Variants in HMCN1 observed in about 807,000 individuals in gnomAD.
The protein encoded by HMCN1 is hemicentin-1.
In HMCN1, 321 loss-of-function variants were observed where a neutral mutation model predicts 625.9. The ratio of observed to expected loss-of-function variants is 0.51; its 90% CI spans 0.47 to 0.56. HMCN1 has a LOEUF of 0.56. Among genes scored for constraint, HMCN1 ranks in the 20% least tolerant of loss-of-function variants. The probability of loss-of-function intolerance (pLI) is 0.00; values close to 1 mark genes in which losing one functional copy is unlikely to be tolerated. For synonymous variants in HMCN1, 2,425 were observed against 2,417.6 expected (o/e 1.00, Z -0.09); for missense variants, 6,588 against 6,887.3 (o/e 0.96, Z 1.54).
rs775812930 is a variant in HMCN1, at chr1:186,151,678, C to T, written c.14831C>T (p.Ala4944Val). Residue 4944 changes from alanine to valine, a missense_variant, in exon 95 of 107, where the codon GCA becomes GTA. Around this residue, in one of 3 missense-constraint regions of HMCN1, gnomAD observed 1,954 missense variants for 2,013.1 expected, o/e 0.97. Coordinates refer to ENST00000271588, the MANE Select transcript of HMCN1 (RefSeq NM_031935.3). Reference protein sequence around the residue: ...YWTTAKEIGEAVNGFTLTNAV... With the variant: ...YWTTAKEIGEVVNGFTLTNAV... Reference sequence around the variant, plus strand: ...ACAACAGCAAAGGAAATAGGAGAAGCAGTCAATGGCTTTACCCTCACCAAT... The same window carrying T: ...ACAACAGCAAAGGAAATAGGAGAAGTAGTCAATGGCTTTACCCTCACCAAT... The T allele has an allele frequency of 3.7e-6, 6 of 1,613,138 alleles. No individual in the cohort carries two copies. Among genetic ancestry groups the T allele is most frequent in the East Asian group, 2.2e-5 (1 of 44,830 alleles).
chr1:186,074,490 C>A (rs1203813934), intron 52 of HMCN1, among the ~76,000 whole-genome samples: 1 of 151,910 alleles, frequency 6.6e-6, no homozygotes, highest in Non-Finnish European at 1.5e-5. Context: ...TGTATAAATG[C>A]ATCATGCACA....
At chr1:185,930,939 CACACAG>C (rs1425251867) in intron 10 of HMCN1, among the ~76,000 whole-genome samples, 2 of 151,778 alleles carry the variant, frequency 1.3e-5, no homozygotes, top group Non-Finnish European at 2.9e-5. Flanking sequence ...CACACACACA[CACACAG>C]AGTACTAAAA....
At chr1:185,966,750 T>C (rs1650432174) in intron 14 of HMCN1, among the ~76,000 whole-genome samples, 1 of 152,162 alleles carries the variant, frequency 6.6e-6, no homozygotes, top group Non-Finnish European at 1.5e-5. Flanking sequence ...GTTTGTTAAA[T>C]CACAAACATT....
At position 186,048,855 on chromosome 1, in the gene HMCN1, T is replaced by C; in HGVS notation, c.6577+16T>C. On this transcript the variant is annotated intron_variant, in intron 42 of 106. Coordinates refer to ENST00000271588, the MANE Select transcript of HMCN1 (RefSeq NM_031935.3). ...AACATTTGGGGTAAGTGTAATCAGC[T>C]CTTGAAAGCAAATAATGCAGCTGTG... 1 of 1,486,088 alleles carries C rather than the reference T, an allele frequency of 6.7e-7. No individual in the cohort carries two copies. Among genetic ancestry groups the C allele is most frequent in the South Asian group, 1.1e-5 (1 of 88,450 alleles). 92.1% of individuals were successfully genotyped at this position (1,486,088 alleles called of 1,614,324 possible). A position where few individuals can be genotyped will look rare whatever the true frequency, so the allele number is the denominator to read the frequency against.
At chr1:186,092,853 G>T (rs987169241) in intron 64 of HMCN1, among the ~76,000 whole-genome samples, 2 of 151,966 alleles carry the variant, frequency 1.3e-5, no homozygotes, top group Non-Finnish European at 2.9e-5. Flanking sequence ...TGTATAACAT[G>T]CATTTAATTC....
intron 2 of HMCN1, among the ~76,000 whole-genome samples, chr1:185,858,574 C>G (rs1662628588): frequency 7.8e-6 from 1 of 127,424 alleles, no homozygotes; most frequent in African/African-American, 3.3e-5. Context: ...TATATGCCAC[C>G]ACACCCAGCT....
chr1:185,989,438 G>GAAAC (rs199874061), intron 20 of HMCN1, 50 bp from the exon 21 acceptor site: 34 of 1,604,148 alleles, frequency 2.1e-5, no homozygotes, highest in South Asian at 8.8e-5. Context: ...TTATAATCTT[G>GAAAC]AAACAAACAA....
rs767836923 is a variant in HMCN1, at chr1:186,166,868, C to T, written c.15500C>T (p.Thr5167Met). Reference protein sequence around the residue: ...TCHAGQDCDNTIGSYRCVVRC... With the variant: ...TCHAGQDCDNMIGSYRCVVRC... ...CACGCTGGTCAGGACTGTGACAATACGATTGGATCTTATCGCTGTGTGGTC... is the reference window on the plus strand; with the variant it reads ...CACGCTGGTCAGGACTGTGACAATATGATTGGATCTTATCGCTGTGTGGTC... Residue 5167 changes from threonine to methionine, a missense_variant, in exon 100 of 107, where the codon ACG becomes ATG. Transcript: ENST00000271588. 1.4e-5 allele frequency: 23 copies of T among 1,614,124 alleles called. No individual in the cohort carries two copies. Among genetic ancestry groups the T allele is most frequent in the Middle Eastern group, 1.6e-4 (1 of 6,062 alleles).
chr1:186,108,427 A>G, intron 70 of HMCN1, 34 bp from the exon 71 acceptor site: 2 of 1,614,016 alleles, frequency 1.2e-6, no homozygotes, highest in Non-Finnish European at 1.7e-6. Flanking sequence ...ATGATAATAC[A>G]GATTGCTTTT....
intron 84 of HMCN1, 82 bp from the exon 85 acceptor site, chr1:186,130,425 T>C (rs1488150028): frequency 2.1e-6 from 3 of 1,431,946 alleles, no homozygotes; most frequent in Admixed American, 3.4e-5. Context: ...TTTACTAAAT[T>C]ATTTTTCCAA....
At chr1:185,840,555 G>A (rs192328956) in intron 1 of HMCN1, among the ~76,000 whole-genome samples, 7 of 152,180 alleles carry the variant, frequency 4.6e-5, no homozygotes, top group Admixed American at 3.3e-4. Flanking sequence ...CCTTCATGGT[G>A]CATTTTCTTA....
chr1:185,930,316 G>A (rs892398297), intron 10 of HMCN1, among the ~76,000 whole-genome samples: 1 of 152,140 alleles, frequency 6.6e-6, no homozygotes, highest in Non-Finnish European at 1.5e-5. Flanking sequence ...ACTTGAAAGA[G>A]AGGACATTTT....
chr1:185,735,076 G>T (rs1653465583), intron 1 of HMCN1, 29 bp downstream of exon 1: 2 of 1,606,312 alleles, frequency 1.2e-6, no homozygotes, highest in Non-Finnish European at 1.7e-6. Flanking sequence ...CTTTGTCTTT[G>T]CTATGTCTCA....
Position 186,166,955 on chromosome 1 carries a change from A to C in HMCN1, c.15574+13A>C. Reference sequence around the variant, plus strand: ...CTGAGTTGTCAAGGTATAAAAATGGAGGCCTTTTCTTTATGTTCATGACAG... The same window carrying C: ...CTGAGTTGTCAAGGTATAAAAATGGCGGCCTTTTCTTTATGTTCATGACAG... On this transcript the variant is annotated intron_variant, in intron 100 of 106. Coordinates refer to ENST00000271588, the MANE Select transcript of HMCN1 (RefSeq NM_031935.3). 6.2e-7 allele frequency: 1 copy of C among 1,614,016 alleles called. No homozygotes were observed. The highest frequency in any genetic ancestry group is 8.5e-7 in the Non-Finnish European group (1 of 1,179,932).
intron 52 of HMCN1, among the ~76,000 whole-genome samples, chr1:186,071,027 G>T (rs1455537669): frequency 6.6e-6 from 1 of 152,016 alleles, no homozygotes; most frequent in African/African-American, 2.4e-5. Context: ...ATATACAATT[G>T]TAATTGTATA....
chr1:186,182,961 A>T lies in HMCN1; in HGVS notation c.16414+674A>T, dbSNP rs554551982. On this transcript the variant is annotated intron_variant, in intron 105 of 106. Coordinates refer to ENST00000271588, the MANE Select transcript of HMCN1 (RefSeq NM_031935.3). ...CTCAGTGGTTCCCTTTTTACACAAA[A>T]ATGTGAAAGGAGCATTGTAATTTGG... Among the ~76,000 whole-genome samples the T allele has an allele frequency of 7.9e-5, 12 of 152,336 alleles. No homozygotes were observed. In the South Asian group the frequency reaches 2.5e-3, roughly 32 times the overall value.
At chr1:186,175,451 A>G (rs554515093) in intron 103 of HMCN1, among the ~76,000 whole-genome samples, 1 of 152,222 alleles carries the variant, frequency 6.6e-6, no homozygotes, top group Admixed American at 6.5e-5. Flanking sequence ...AATCCCTAGC[A>G]TAATATTTTG....
At chr1:185,950,556 A>G (rs1324487905) in intron 11 of HMCN1, among the ~76,000 whole-genome samples, 1 of 151,788 alleles carries the variant, frequency 6.6e-6, no homozygotes, top group Non-Finnish European at 1.5e-5. Flanking sequence ...GTCGGACACA[A>G]TTGGCAGGGA....
intron 36 of HMCN1, among the ~76,000 whole-genome samples, chr1:186,025,832 A>C (rs934263601): frequency 6.6e-6 from 1 of 150,542 alleles, no homozygotes; most frequent in African/African-American, 2.5e-5. Context: ...AAAATTGCTC[A>C]ATCAGAGGGA....
Sources: gnomAD v4.1 joint callset for allele counts (sites outside exome capture counted in the v4.1 genomes callset) on GRCh38, gnomAD v4.1.1 for gene constraint, gnomAD v4.1.1 regional missense constraint, MANE v1.5 for transcripts, NCBI Gene and HGNC (gene_info 2026-07-23, HGNC 2026-07-21) for gene names.